Variants in AFF4 observed in about 807,000 individuals in gnomAD.
AFF4 encodes the protein AF4/FMR2 family member 4.
In AFF4, 13 loss-of-function variants were observed where a neutral mutation model predicts 124.8. That is an observed-to-expected ratio of 0.10 (90% CI 0.07 to 0.17). AFF4 has a LOEUF of 0.17. Ranked by LOEUF, AFF4 falls within the 10% of genes least tolerant of loss-of-function variation. AFF4 has a pLI of 1.00. For missense variants in AFF4, 1,092 were observed against 1,403.8 expected (o/e 0.78, Z 3.55); for synonymous variants, 477 against 496.1 (o/e 0.96, Z 0.51).
At chr5:132,907,940 G>A (rs1234327648) in intron 5 of AFF4, among the ~76,000 whole-genome samples, 1 of 152,170 alleles carries the variant, frequency 6.6e-6, no homozygotes, top group Non-Finnish European at 1.5e-5. Flanking sequence ...ACCTGTGTGT[G>A]TGCAGCTTAT....
intron 5 of AFF4, among the ~76,000 whole-genome samples, chr5:132,920,508 C>A (rs138462135): frequency 6.6e-6 from 1 of 151,862 alleles, no homozygotes; most frequent in African/African-American, 2.4e-5. Context: ...GGTCATGCCA[C>A]CACGCCTGGC....
chr5:132,881,022 T>C lies in AFF4; in HGVS notation c.*37A>G. 6.2e-7 allele frequency: 1 copy of C among 1,606,022 alleles called. No individual in the cohort carries two copies. The highest frequency in any genetic ancestry group is 8.5e-7 in the Non-Finnish European group (1 of 1,176,728). ...TTTCCTTCGTGATGTGACACAGTGT[T>C]GTGGAGAAAATCAGAGGCAACGAGA... On this transcript the variant is annotated 3_prime_UTR_variant, in exon 21 of 21. Transcript: ENST00000265343.
At chr5:132,917,705 C>CTTTTTTTTTTTTTTTTTTTTTTTTT (rs58145774) in intron 5 of AFF4, among the ~76,000 whole-genome samples, 1 of 74,050 alleles carries the variant, frequency 1.4e-5, no homozygotes, top group African/African-American at 5.3e-5. Flanking sequence ...CTTTTCTTTT[C>CTTTTTTTTTTTTTTTTTTTTTTTTT]TTTTTTTTTT....
intron 4 of AFF4, among the ~76,000 whole-genome samples, chr5:132,931,638 A>T (rs1002880808): frequency 3.9e-5 from 6 of 152,254 alleles, no homozygotes; most frequent in African/African-American, 1.2e-4. Flanking sequence ...GTAAGTGTTA[A>T]GATTAAAATT....
In AFF4 at chr5:132,876,716, C is replaced by T. The variant is rs1009265135; in HGVS notation, c.*4343G>A. 5.1e-6 allele frequency: 1 copy of T among 197,090 alleles called. No homozygotes were observed. The highest frequency in any genetic ancestry group is 1.1e-5 in the Non-Finnish European group (1 of 95,050). 12.2% of individuals were successfully genotyped at this position (197,090 alleles called of 1,614,324 possible). On this transcript the variant is annotated 3_prime_UTR_variant, in exon 21 of 21. Transcript: ENST00000265343. ...TTATTTCCATTCCCTTTTCTGGAGA[C>T]AGCAAGTTCTTTCTAATTAACCATA...
rs778585256 is a variant in AFF4 at position 132,920,572 on chromosome 5, C to G, written c.1050+6549G>C. Among the ~76,000 whole-genome samples, 42 of 151,870 alleles carry G rather than the reference C, an allele frequency of 2.8e-4. 1 individual carries two copies. The highest frequency in any genetic ancestry group is 4.4e-5 in the Non-Finnish European group (3 of 67,996). On this transcript the variant is annotated intron_variant, in intron 5 of 20. Coordinates refer to ENST00000265343, the MANE Select transcript of AFF4 (RefSeq NM_014423.4). The stretch of plus-strand genomic sequence containing the variant: ...GTCTTGCCTTGTTGACCAGGCTAGT[C>G]TCACACTCCTGACCTCAAGTGATCT...
In AFF4 at chr5:132,963,327, C is replaced by A. The variant is rs1050702721; in HGVS notation, c.-73G>T. 7.6e-6 allele frequency: 3 copies of A among 396,670 alleles called. No homozygotes were observed. Among genetic ancestry groups the A allele is most frequent in the African/African-American group, 6.2e-5 (3 of 48,554 alleles). The allele number at this position is 396,670 out of a possible 1,614,324, so 24.6% of individuals were successfully genotyped here. ...GGCAGTGGCGGCGCCGGGCCTGCAC[C>A]TTCACCGGACGCGCATTCGAGCCCG... On this transcript the variant is annotated 5_prime_UTR_variant, in exon 1 of 21. It adds an upstream start codon to the 5' untranslated region. Transcript: ENST00000265343.
rs1385417555 is a variant in AFF4, at chr5:132,899,483, A to G, written c.1188+104T>C. 6 of 1,056,644 alleles carry G rather than the reference A, an allele frequency of 5.7e-6. No homozygotes were observed. The African/African-American group carries it at 9.7e-5, about 17-fold the overall frequency. The allele number at this position is 1,056,644 out of a possible 1,614,324, so 65.5% of individuals were successfully genotyped here. ...ACATTTCAGTGTCAGAAAGCTTATA[A>G]GAAACTTATTTTAAGTAATAAATGC... On this transcript the variant is annotated intron_variant, in intron 8 of 20. Transcript: ENST00000265343.
rs1337921279 is a variant in AFF4, at chr5:132,915,566, G to T, written c.1051-11162C>A. ...GCACTTTGACCCACTTCTTTTTTTT[G>T]GGTTTTTTTTTTTTTTTTTGAGATG... On this transcript the variant is annotated intron_variant, in intron 5 of 20. Transcript: ENST00000265343. 1.7e-4 allele frequency among the ~76,000 whole-genome samples: 19 copies of T among 112,064 alleles called. No individual in the cohort carries two copies. The South Asian group carries it at 4.1e-3, about 24-fold the overall frequency. The allele number at this position is 112,064 out of a possible 152,430, so 73.5% of individuals were successfully genotyped here.
At chr5:132,954,980 G>A (rs926611976) in intron 1 of AFF4, among the ~76,000 whole-genome samples, 1 of 152,188 alleles carries the variant, frequency 6.6e-6, no homozygotes, top group African/African-American at 2.4e-5. Flanking sequence ...GAAGAATCAG[G>A]TCACATGAAC....
At chr5:132,926,122 A>T (rs1761164788) in intron 5 of AFF4, 1 of 297,142 alleles carries the variant, frequency 3.4e-6, no homozygotes, top group African/African-American at 2.2e-5. Context: ...TGAAAGATAC[A>T]GAACAATATA....
chr5:132,936,997 AGTG>A, intron 2 of AFF4, 67 bp downstream of exon 2: 1 of 1,529,800 alleles, frequency 6.5e-7, no homozygotes. Flanking sequence ...TAAACATTCA[AGTG>A]TGAAACATTT....
chr5:132,946,715 G>C lies in AFF4; in HGVS notation c.-4-9522C>G, dbSNP rs1211307044. Among the ~76,000 whole-genome samples, 3 of 152,136 alleles carry C rather than the reference G, an allele frequency of 2.0e-5. No individual in the cohort carries two copies. In the East Asian group the frequency reaches 5.8e-4, roughly 29 times the overall value. On this transcript the variant is annotated intron_variant, in intron 1 of 20. Coordinates refer to ENST00000265343, the MANE Select transcript of AFF4 (RefSeq NM_014423.4). Reference sequence around the variant, plus strand: ...AGTTCTGGAAACAGACAGTATTGATGATTGTACAACACTGTGAATGTACTT... The same window carrying C: ...AGTTCTGGAAACAGACAGTATTGATCATTGTACAACACTGTGAATGTACTT...
chr5:132,950,991 A>G (rs1761830958), intron 1 of AFF4, among the ~76,000 whole-genome samples: 1 of 152,184 alleles, frequency 6.6e-6, no homozygotes, highest in Non-Finnish European at 1.5e-5. Flanking sequence ...CTGGGAGGCT[A>G]AGACGGGCAG....
At chr5:132,881,361 T>C (rs1283756666) in intron 20 of AFF4, among the ~76,000 whole-genome samples, 175 bp from the exon 21 acceptor site, 1 of 152,218 alleles carries the variant, frequency 6.6e-6, no homozygotes, top group Non-Finnish European at 1.5e-5. Context: ...TCAAGTTACA[T>C]TTGTTCCCTA....
At chr5:132,882,662 C>T (rs529147409) in intron 20 of AFF4, among the ~76,000 whole-genome samples, 1 of 151,982 alleles carries the variant, frequency 6.6e-6, no homozygotes, top group African/African-American at 2.4e-5. Flanking sequence ...CAAGACCAGC[C>T]TGGTTCACAT....
chr5:132,929,023 G>A (rs760389155), intron 4 of AFF4, among the ~76,000 whole-genome samples: 1 of 152,106 alleles, frequency 6.6e-6, no homozygotes, highest in Non-Finnish European at 1.5e-5. Context: ...CACAAAGTAG[G>A]TGCTTAATGA....
intron 5 of AFF4, among the ~76,000 whole-genome samples, chr5:132,911,332 T>G (rs771024626): frequency 6.6e-6 from 1 of 152,164 alleles, no homozygotes; most frequent in Admixed American, 6.5e-5. Context: ...AAAGAACAAG[T>G]TGTCAAATCT....
chr5:132,881,033 T>A lies in AFF4; in HGVS notation c.*26A>T. 1 of 1,607,884 alleles carries A rather than the reference T, an allele frequency of 6.2e-7. No individual in the cohort carries two copies. Among genetic ancestry groups the A allele is most frequent in the Non-Finnish European group, 8.5e-7 (1 of 1,177,718 alleles). On this transcript the variant is annotated 3_prime_UTR_variant, in exon 21 of 21. Coordinates refer to ENST00000265343, the MANE Select transcript of AFF4 (RefSeq NM_014423.4). Reference sequence around the variant, plus strand: ...ATGTGACACAGTGTTGTGGAGAAAATCAGAGGCAACGAGAATGTGTTCAGT... The same window carrying A: ...ATGTGACACAGTGTTGTGGAGAAAAACAGAGGCAACGAGAATGTGTTCAGT...
Sources: allele counts gnomAD v4.1 joint callset (sites outside exome capture counted in the v4.1 genomes callset), GRCh38; gene constraint gnomAD v4.1.1; transcripts MANE v1.5; gene names NCBI Gene and HGNC (gene_info 2026-07-23, HGNC 2026-07-21).